The following FNIP1 variants were observed in gnomAD, a reference collection of about 807,000 sequenced individuals.
The protein encoded by FNIP1 is folliculin interacting protein 1, also known as folliculin-interacting protein 1.
FNIP1 carries 40 observed loss-of-function variants against 124.5 expected under a neutral mutation model. That is an observed-to-expected ratio of 0.32 (90% CI 0.25 to 0.42). FNIP1 has a LOEUF of 0.42. Ranked by LOEUF, FNIP1 falls within the 10% of genes least tolerant of loss-of-function variation. The probability of loss-of-function intolerance (pLI) is 1.00; values close to 1 mark genes in which losing one functional copy is unlikely to be tolerated. For missense variants in FNIP1, 1,176 were observed against 1,403.7 expected (o/e 0.84, Z 2.59); for synonymous variants, 472 against 470.6 (o/e 1.00, Z -0.04).
At chr5:131,664,492 C>G (rs984014505) in intron 15 of FNIP1, among the ~76,000 whole-genome samples, 1 of 151,890 alleles carries the variant, frequency 6.6e-6, no homozygotes, top group African/African-American at 2.4e-5. Context: ...ACACATTAGC[C>G]AGGCATGCTG....
intron 11 of FNIP1, among the ~76,000 whole-genome samples, chr5:131,688,008 C>A (rs1186896234): frequency 6.6e-6 from 1 of 152,064 alleles, no homozygotes; most frequent in Non-Finnish European, 1.5e-5. Flanking sequence ...AGAGAAGCAG[C>A]CTTCCTCGCT....
Position 131,690,080 on chromosome 5 carries a change from G to A in FNIP1, c.1202+8837C>T, listed in dbSNP as rs144251533. Among the ~76,000 whole-genome samples, 795 of 152,038 alleles carry A rather than the reference G, an allele frequency of 5.2e-3. 4 individuals are homozygous for A. The highest frequency in any genetic ancestry group is 0.017 in the African/African-American group (719 of 41,478). ...CTAAAAATACAAAAAAAAATTAGCCGGGCATGGTGGCGGGTGCCTGGAGTC... is the reference window on the plus strand; with the variant it reads ...CTAAAAATACAAAAAAAAATTAGCCAGGCATGGTGGCGGGTGCCTGGAGTC... On this transcript the variant is annotated intron_variant, in intron 11 of 17. Coordinates refer to ENST00000510461, the MANE Select transcript of FNIP1 (RefSeq NM_133372.3).
chr5:131,779,341 A>G (rs1370047990), intron 1 of FNIP1, among the ~76,000 whole-genome samples: 3 of 152,030 alleles, frequency 2.0e-5, no homozygotes, highest in Non-Finnish European at 4.4e-5. Context: ...TTTTAGATCT[A>G]TTAGTAATTG....
At chr5:131,752,538 T>A (rs1467756314) in intron 1 of FNIP1, among the ~76,000 whole-genome samples, 44 of 136,742 alleles carry the variant, frequency 3.2e-4, no homozygotes, top group South Asian at 4.6e-4. Context: ...CCTGAACATC[T>A]AAAAAAAAAA....
At position 131,721,271 on chromosome 5, in the gene FNIP1, T is replaced by A. The variant is rs142840345; in HGVS notation, c.355-1854A>T. 1.8e-3 allele frequency among the ~76,000 whole-genome samples: 277 copies of A among 152,132 alleles called. 2 individuals carry two copies. In the East Asian group the frequency reaches 0.028, roughly 16 times the overall value. On this transcript the variant is annotated intron_variant, in intron 3 of 17. Coordinates refer to ENST00000510461, the MANE Select transcript of FNIP1 (RefSeq NM_133372.3). ...TGATAAGATAAATACTCCACTTATATGAGGTATTTAAAATAGCCAAATTTA... is the reference window on the plus strand; with the variant it reads ...TGATAAGATAAATACTCCACTTATAAGAGGTATTTAAAATAGCCAAATTTA...
rs776882823 is a variant in FNIP1, at chr5:131,647,183, C to A, written c.3329G>T (p.Arg1110Leu). 1.2e-6 allele frequency: 2 copies of A among 1,614,032 alleles called. No individual in the cohort carries two copies. The highest frequency in any genetic ancestry group is 2.7e-5 in the African/African-American group (2 of 75,022). ...ACTTTTGAAGTATAGCTCCTGCAACCGGTCTTCAAGATGCATTACACACTG... is the reference window on the plus strand; with the variant it reads ...ACTTTTGAAGTATAGCTCCTGCAACAGGTCTTCAAGATGCATTACACACTG... ...PNFCVMHLED[R>L]LQELYFKSKM... Residue 1110 changes from arginine (R) to leucine (L), a missense_variant, in exon 17 of 18, where the codon CGG becomes CTG. By Grantham distance (102) the Arg-to-Leu change is moderately radical. Coordinates refer to ENST00000510461, the MANE Select transcript of FNIP1 (RefSeq NM_133372.3).
At chr5:131,689,534 G>A (rs1403888740) in intron 11 of FNIP1, among the ~76,000 whole-genome samples, 1 of 152,196 alleles carries the variant, frequency 6.6e-6, no homozygotes, top group Non-Finnish European at 1.5e-5. Context: ...GGGATGTGAT[G>A]TGAGGGAGAA....
intron 1 of FNIP1, among the ~76,000 whole-genome samples, chr5:131,745,595 T>G (rs1770650652): frequency 6.6e-6 from 1 of 152,110 alleles, no homozygotes. Flanking sequence ...TATATATAAA[T>G]TTAGTATGTG....
At chr5:131,728,612 A>G (rs972366411) in intron 3 of FNIP1, among the ~76,000 whole-genome samples, 3 of 151,980 alleles carry the variant, frequency 2.0e-5, no homozygotes, top group African/African-American at 4.8e-5. Flanking sequence ...GCTTCCTTGC[A>G]TTGGGTTAGA....
At chr5:131,695,422 G>A (rs1416567881) in intron 11 of FNIP1, among the ~76,000 whole-genome samples, 1 of 152,084 alleles carries the variant, frequency 6.6e-6, no homozygotes, top group Non-Finnish European at 1.5e-5. Flanking sequence ...TTATTGTTTC[G>A]TTTTGCTGTC....
At chr5:131,779,593 C>A (rs2149583149) in intron 1 of FNIP1, among the ~76,000 whole-genome samples, 1 of 149,840 alleles carries the variant, frequency 6.7e-6, no homozygotes, top group East Asian at 2.0e-4. Context: ...GAGGCTGAGG[C>A]AGGAGAATCG....
chr5:131,754,702 CAT>C (rs1206510810), intron 1 of FNIP1, among the ~76,000 whole-genome samples: 1 of 152,236 alleles, frequency 6.6e-6, no homozygotes, highest in Non-Finnish European at 1.5e-5. Context: ...GATCAACAGA[CAT>C]AACCAGTTCA....
intron 16 of FNIP1, among the ~76,000 whole-genome samples, chr5:131,651,310 C>T (rs1767032125): frequency 6.6e-6 from 1 of 152,172 alleles, no homozygotes; most frequent in African/African-American, 2.4e-5. Flanking sequence ...GGAGGATCAC[C>T]TGAGCCCAAG....
At chr5:131,670,015 G>T (rs1271513124) in intron 15 of FNIP1, among the ~76,000 whole-genome samples, 1 of 151,926 alleles carries the variant, frequency 6.6e-6, no homozygotes, top group African/African-American at 2.4e-5. Context: ...ATGAGCCTGT[G>T]TGTAGAAAAC....
At chr5:131,683,839 A>G (rs2149520790) in intron 11 of FNIP1, among the ~76,000 whole-genome samples, 1 of 152,312 alleles carries the variant, frequency 6.6e-6, no homozygotes, top group South Asian at 2.1e-4. Flanking sequence ...ACACTGAACC[A>G]CTGCCCCTAA....
chr5:131,683,663 T>A (rs575341380), intron 11 of FNIP1, among the ~76,000 whole-genome samples: 3 of 152,350 alleles, frequency 2.0e-5, no homozygotes, highest in East Asian at 1.9e-4. Context: ...TGTATTTTTT[T>A]AATTGCAGTT....
At chr5:131,734,517 A>C (rs567481211) in intron 2 of FNIP1, among the ~76,000 whole-genome samples, 262 of 152,334 alleles carry the variant, frequency 1.7e-3, no homozygotes, top group African/African-American at 5.6e-3. Flanking sequence ...ATCAGAGTGA[A>C]CAGGCAACCT....
intron 2 of FNIP1, among the ~76,000 whole-genome samples, chr5:131,734,159 C>T (rs557798237): frequency 1.3e-3 from 191 of 152,092 alleles, no homozygotes; most frequent in African/African-American, 4.1e-3. Flanking sequence ...TGTATTTCTG[C>T]GGGATCGGTG....
intron 2 of FNIP1, among the ~76,000 whole-genome samples, chr5:131,740,908 A>T (rs191935784): frequency 2.8e-4 from 42 of 152,354 alleles, no homozygotes; most frequent in African/African-American, 9.9e-4. Context: ...GGTCATCCTC[A>T]CTACTACACT....
Sources: allele counts gnomAD v4.1 joint callset (sites outside exome capture counted in the v4.1 genomes callset), GRCh38; gene constraint gnomAD v4.1.1; transcripts MANE v1.5; gene names NCBI Gene and HGNC (gene_info 2026-07-23, HGNC 2026-07-21).